The following PAM variants were observed in gnomAD, a reference collection of about 807,000 sequenced individuals.
PAM encodes the protein peptidylglycine alpha-amidating monooxygenase, also known as peptidyl-glycine alpha-amidating monooxygenase.
Under a neutral mutation model 122.1 loss-of-function variants are expected in PAM, and 72 were observed. The observed-to-expected ratio is 0.59, with a 90% CI of 0.49 to 0.72. The LOEUF is 0.72. Among genes scored for constraint, PAM ranks in the 30% least tolerant of loss-of-function variants. PAM has a pLI of 0.00. For synonymous variants in PAM, 389 were observed against 404.4 expected (o/e 0.96, Z 0.46); for missense variants, 1,106 against 1,183.7 (o/e 0.93, Z 0.96).
intron 1 of PAM, among the ~76,000 whole-genome samples, chr5:102,852,028 T>A (rs1781457838): frequency 6.6e-6 from 1 of 152,238 alleles, no homozygotes; most frequent in African/African-American, 2.4e-5. Flanking sequence ...ATTCTTATTT[T>A]CCTAGATATA....
intron 3 of PAM, among the ~76,000 whole-genome samples, chr5:102,890,749 G>A (rs2151270513): frequency 6.6e-6 from 1 of 151,976 alleles, no homozygotes; most frequent in South Asian, 2.1e-4. Context: ...GTTGAAATTA[G>A]GAATTTTCCG....
intron 1 of PAM, among the ~76,000 whole-genome samples, chr5:102,803,546 C>T (rs1303246491): frequency 6.6e-6 from 1 of 152,048 alleles, no homozygotes; most frequent in Non-Finnish European, 1.5e-5. Context: ...AGGTGAGGAG[C>T]AGATTGGGGC....
Position 102,944,715 on chromosome 5 carries a change from G to A in PAM, c.527-2122G>A, listed in dbSNP as rs539871494. ...CCTGAAACATTATCAACTTCTTTAC[G>A]GTCCCATGGCCTCTAATTTAAGAAT... is the stretch of plus-strand genomic sequence containing the variant. On this transcript the variant is annotated intron_variant, in intron 7 of 25. Coordinates refer to ENST00000438793, the MANE Select transcript of PAM (RefSeq NM_001177306.2). Among the ~76,000 whole-genome samples, 49 of 152,064 alleles carry A rather than the reference G, an allele frequency of 3.2e-4. No individual in the cohort carries two copies. The South Asian group carries it at 1.0e-2, about 31-fold the overall frequency.
intron 1 of PAM, among the ~76,000 whole-genome samples, chr5:102,756,617 A>G (rs892986922): frequency 6.6e-6 from 1 of 152,244 alleles, no homozygotes. Flanking sequence ...AATCACAGGC[A>G]CAAAAAAGCA....
chr5:102,857,192 A>C (rs554267269), intron 1 of PAM, among the ~76,000 whole-genome samples: 1 of 152,324 alleles, frequency 6.6e-6, no homozygotes, highest in South Asian at 2.1e-4. Context: ...AGCAGTTTTA[A>C]CAGCTACTCC....
chr5:102,908,013 T>A (rs1800134002), intron 4 of PAM, among the ~76,000 whole-genome samples: 1 of 152,072 alleles, frequency 6.6e-6, no homozygotes, highest in Non-Finnish European at 1.5e-5. Context: ...TTTGTTGCCA[T>A]TGCTTTTGGT....
intron 1 of PAM, among the ~76,000 whole-genome samples, chr5:102,784,344 G>A (rs1374582787): frequency 6.6e-6 from 1 of 152,170 alleles, no homozygotes; most frequent in Non-Finnish European, 1.5e-5. Flanking sequence ...TGGTGGGCTA[G>A]AATGCGCTTT....
intron 3 of PAM, among the ~76,000 whole-genome samples, chr5:102,891,875 A>C (rs2151283133): frequency 6.6e-6 from 1 of 151,994 alleles, no homozygotes; most frequent in South Asian, 2.1e-4. Context: ...TTATCTACTG[A>C]TGAATAAACT....
chr5:102,882,110 T>TCC lies in PAM; in HGVS notation c.210+14717_210+14718insCC, dbSNP rs1561748146. Among the ~76,000 whole-genome samples the TCC allele has an allele frequency of 3.4e-4, 35 of 103,786 alleles. 1 individual carries two copies. The East Asian group carries it at 0.011, about 32-fold the overall frequency. The allele number at this position is 103,786 out of a possible 152,430, so 68.1% of individuals were successfully genotyped here. A position where few individuals can be genotyped will look rare whatever the true frequency, so the allele number is the denominator to read the frequency against. The stretch of plus-strand genomic sequence containing the variant: ...ATATATATATATATATATATATATA[T>TCC]ACACCACATTTTCTTTATCCACTCA... On this transcript the variant is annotated intron_variant, in intron 3 of 25. Transcript: ENST00000438793.
intron 1 of PAM, among the ~76,000 whole-genome samples, chr5:102,805,189 A>G (rs901681404): frequency 6.8e-6 from 1 of 146,982 alleles, no homozygotes; most frequent in African/African-American, 2.5e-5. Context: ...TCCTGCCTCA[A>G]CCTCCTGAGT....
rs114416647 is a variant in PAM, at chr5:102,894,828, A to G, written c.211-6528A>G. On this transcript the variant is annotated intron_variant, in intron 3 of 25. Transcript: ENST00000438793. Reference sequence around the variant, plus strand: ...ACACTGCCTCCTTACCTTCCTTTCAAATCCACTCCCCAGTCATGTCTATTT... The same window carrying G: ...ACACTGCCTCCTTACCTTCCTTTCAGATCCACTCCCCAGTCATGTCTATTT... 1.5e-4 allele frequency among the ~76,000 whole-genome samples: 22 copies of G among 151,698 alleles called. No homozygotes were observed. In the South Asian group the frequency reaches 3.9e-3, roughly 27 times the overall value.
In PAM at chr5:103,025,272, C is replaced by T. The variant is rs75521858; in HGVS notation, c.2627C>T (p.Pro876Leu). 2.3e-5 allele frequency: 37 copies of T among 1,613,700 alleles called. No homozygotes were observed. Among genetic ancestry groups the T allele is most frequent in the Middle Eastern group, 1.7e-4 (1 of 6,058 alleles). Reference protein sequence around the residue: ...VVLITTLLVIPVVVLLAIAIF... With the variant: ...VVLITTLLVILVVVLLAIAIF... ...CTCATTACAACCCTTCTGGTTATTCCGGTGGTTGTCCTGCTGGCCATTGCC... is the reference window on the plus strand; with the variant it reads ...CTCATTACAACCCTTCTGGTTATTCTGGTGGTTGTCCTGCTGGCCATTGCC... Residue 876 changes from proline to leucine, a missense_variant, in exon 24 of 26, where the codon CCG becomes CTG. By Grantham distance (98) the Pro-to-Leu change is moderately conservative (BLOSUM62 -3). This residue lies in a region of PAM where 333 missense variants were observed against 335.6 expected (regional missense o/e 0.99). Transcript: ENST00000438793.
Position 102,881,129 on chromosome 5 carries a change from TACAC to T in PAM, c.210+13760_210+13763del, listed in dbSNP as rs34434423. ...AAAATTAAAAAATAATTTTTATACA[TACAC>T]ACACACACACACACACACACACAGA... On this transcript the variant is annotated intron_variant, in intron 3 of 25. Coordinates refer to ENST00000438793, the MANE Select transcript of PAM (RefSeq NM_001177306.2). 4.8e-5 allele frequency among the ~76,000 whole-genome samples: 7 copies of T among 145,708 alleles called. 1 individual carries two copies. Among genetic ancestry groups the T allele is most frequent in the Admixed American group, 2.7e-4 (4 of 14,660 alleles).
intron 15 of PAM, chr5:102,987,434 T>C: frequency 2.5e-6 from 1 of 406,138 alleles, no homozygotes; most frequent in South Asian, 1.9e-5. Context: ...TACCAACATG[T>C]AGAGAGATGA....
intron 1 of PAM, among the ~76,000 whole-genome samples, chr5:102,770,611 A>G (rs575623428): frequency 2.2e-4 from 33 of 152,252 alleles, no homozygotes; most frequent in African/African-American, 7.7e-4. Context: ...TCCAGCATCA[A>G]TCATGATGAT....
At chr5:102,933,926 G>C (rs537076093) in intron 7 of PAM, among the ~76,000 whole-genome samples, 3 of 152,306 alleles carry the variant, frequency 2.0e-5, no homozygotes, top group South Asian at 4.1e-4. Flanking sequence ...TGCAGAGAGA[G>C]TGGGAAACTG....
chr5:102,906,401 C>T (rs989709428), intron 4 of PAM, among the ~76,000 whole-genome samples: 3 of 151,618 alleles, frequency 2.0e-5, no homozygotes, highest in South Asian at 2.1e-4. Context: ...AAAATTTCAT[C>T]TGGACCTCTG....
chr5:102,854,257 A>G (rs1360255669), intron 1 of PAM, among the ~76,000 whole-genome samples: 14 of 152,196 alleles, frequency 9.2e-5, no homozygotes, highest in Admixed American at 8.5e-4. Context: ...TATTATTTTA[A>G]TTATTAATAG....
At chr5:102,758,236 TTATC>T (rs1356090765) in intron 1 of PAM, among the ~76,000 whole-genome samples, 2 of 151,956 alleles carry the variant, frequency 1.3e-5, no homozygotes, top group African/African-American at 4.8e-5. Context: ...TAGGAAGAAT[TTATC>T]TATCTGCTAT....
Sources: allele counts gnomAD v4.1 joint callset (sites outside exome capture counted in the v4.1 genomes callset), GRCh38; gene constraint gnomAD v4.1.1; regional missense constraint gnomAD v4.1.1; transcripts MANE v1.5; gene names NCBI Gene and HGNC (gene_info 2026-07-23, HGNC 2026-07-21).